The following ANO4 variants were observed in gnomAD, a reference collection of about 807,000 sequenced individuals.
ANO4 encodes anoctamin 4, also known as anoctamin-4.
ANO4 carries 69 observed loss-of-function variants against 141.9 expected under a neutral mutation model. The ratio of observed to expected loss-of-function variants is 0.49; its 90% confidence interval spans 0.40 to 0.59. The LOEUF is 0.59. Ranked by LOEUF, ANO4 falls within the 20% of genes least tolerant of loss-of-function variation. The probability of loss-of-function intolerance (pLI) is 0.00; values close to 1 mark genes in which losing one functional copy is unlikely to be tolerated. For synonymous variants in ANO4, 350 were observed against 394.3 expected (o/e 0.89, Z 1.33); for missense variants, 894 against 1,162.2 (o/e 0.77, Z 3.36).
chr12:101,098,841 A>G (rs1033631321), intron 21 of ANO4, among the ~76,000 whole-genome samples: 7 of 152,128 alleles, frequency 4.6e-5, no homozygotes, highest in African/African-American at 1.7e-4. Context: ...TTTGATGTTC[A>G]TTCCTTTATT....
At chr12:100,871,139 A>G (rs999051526) in intron 1 of ANO4, among the ~76,000 whole-genome samples, 1 of 152,196 alleles carries the variant, frequency 6.6e-6, no homozygotes, top group African/African-American at 2.4e-5. Context: ...GAGTTTTCAT[A>G]TCACCTTAAA....
intron 3 of ANO4, among the ~76,000 whole-genome samples, chr12:100,771,808 C>T (rs548487997): frequency 6.4e-4 from 98 of 152,274 alleles, no homozygotes; most frequent in East Asian, 1.9e-3. Flanking sequence ...GCTAGGAATG[C>T]GGGTATACGT....
chr12:100,765,207 T>A (rs2033025751), intron 3 of ANO4, among the ~76,000 whole-genome samples: 1 of 152,162 alleles, frequency 6.6e-6, no homozygotes, highest in Non-Finnish European at 1.5e-5. Context: ...TTCTGGGAAC[T>A]TATTTCTGTT....
chr12:100,785,090 G>T (rs1480421904), intron 3 of ANO4, among the ~76,000 whole-genome samples: 1 of 152,050 alleles, frequency 6.6e-6, no homozygotes, highest in African/African-American at 2.4e-5. Flanking sequence ...TATTTAAATA[G>T]ACTTTATTTT....
Position 101,123,850 on chromosome 12 carries a change from A to C in ANO4, c.2677-3029A>C, listed in dbSNP as rs575678343. On this transcript the variant is annotated intron_variant, in intron 26 of 27. Transcript: ENST00000392977. ...AATAAGCGCCATACTGACTGGTATG[A>C]GATAATATTTCATTGTGGTTTTGAT... Among the ~76,000 whole-genome samples, 44 of 152,236 alleles carry C rather than the reference A, an allele frequency of 2.9e-4. No homozygotes were observed. The South Asian group carries it at 9.1e-3, about 32-fold the overall frequency.
intron 1 of ANO4, among the ~76,000 whole-genome samples, chr12:100,857,902 T>C (rs2038265123): frequency 6.6e-6 from 1 of 152,106 alleles, no homozygotes; most frequent in Non-Finnish European, 1.5e-5. Context: ...TATTTGAATA[T>C]TGATAATATT....
chr12:100,861,504 G>A (rs1272670876), intron 1 of ANO4, among the ~76,000 whole-genome samples: 1 of 152,174 alleles, frequency 6.6e-6, no homozygotes, highest in Non-Finnish European at 1.5e-5. Flanking sequence ...TGGTACACTT[G>A]TATAGGACAT....
chr12:100,966,211 A>G (rs1482422678), intron 5 of ANO4, among the ~76,000 whole-genome samples: 1 of 152,192 alleles, frequency 6.6e-6, no homozygotes, highest in African/African-American at 2.4e-5. Context: ...CATACCACCA[A>G]TATGATGTGG....
chr12:100,808,299 C>G (rs1268888489), intron 1 of ANO4, among the ~76,000 whole-genome samples: 1 of 152,134 alleles, frequency 6.6e-6, no homozygotes, highest in Non-Finnish European at 1.5e-5. Flanking sequence ...TTGCATTTAT[C>G]TAATGATCAA....
chr12:100,751,266 T>C (rs2032361546), intron 3 of ANO4, among the ~76,000 whole-genome samples: 1 of 152,138 alleles, frequency 6.6e-6, no homozygotes. Context: ...TAGAAAGATC[T>C]ACGCGGGAAA....
chr12:101,045,765 C>T, intron 13 of ANO4, among the ~76,000 whole-genome samples: 1 of 152,168 alleles, frequency 6.6e-6, no homozygotes, highest in East Asian at 1.9e-4. Flanking sequence ...CCTCCAGGGA[C>T]CCCGGTGGCC....
intron 1 of ANO4, among the ~76,000 whole-genome samples, chr12:100,861,033 G>A (rs996645476): frequency 6.6e-6 from 1 of 152,150 alleles, no homozygotes; most frequent in Non-Finnish European, 1.5e-5. Flanking sequence ...GCATGGAAGG[G>A]GACCTGAGAG....
chr12:100,882,058 A>G (rs536729945), intron 1 of ANO4, among the ~76,000 whole-genome samples: 2 of 152,340 alleles, frequency 1.3e-5, no homozygotes, highest in African/African-American at 4.8e-5. Flanking sequence ...AAAAATGTTA[A>G]TGATAATAAT....
At chr12:100,778,120 C>T (rs1475604836) in intron 3 of ANO4, among the ~76,000 whole-genome samples, 1 of 152,020 alleles carries the variant, frequency 6.6e-6, no homozygotes, top group African/African-American at 2.4e-5. Context: ...GGGGTTTCAC[C>T]GTATTAGCCA....
At chr12:100,746,717 T>C (rs931277166) in intron 3 of ANO4, among the ~76,000 whole-genome samples, 9 of 152,172 alleles carry the variant, frequency 5.9e-5, no homozygotes, top group Non-Finnish European at 1.3e-4. Flanking sequence ...TGTCCCATGT[T>C]CACTGTCAAT....
chr12:101,028,369 C>CA (rs1438866702), intron 9 of ANO4, among the ~76,000 whole-genome samples: 3 of 152,036 alleles, frequency 2.0e-5, no homozygotes, highest in Non-Finnish European at 4.4e-5. Flanking sequence ...AGATGGGTAA[C>CA]AAAAAACTCC....
chr12:100,853,565 C>G (rs1200259791), intron 1 of ANO4, among the ~76,000 whole-genome samples: 3 of 152,218 alleles, frequency 2.0e-5, no homozygotes, highest in African/African-American at 7.2e-5. Flanking sequence ...CTGTACCACT[C>G]TCTCTTAGTT....
chr12:101,047,843 C>T (rs2047692606), intron 13 of ANO4: 2 of 193,326 alleles, frequency 1.0e-5, no homozygotes, highest in South Asian at 3.5e-4. Context: ...AATGGTTCTG[C>T]TCTTTTTTAT....
chr12:100,958,458 C>G (rs182715872), intron 5 of ANO4, among the ~76,000 whole-genome samples: 1 of 152,292 alleles, frequency 6.6e-6, no homozygotes, highest in African/African-American at 2.4e-5. Flanking sequence ...GTGAACAAAT[C>G]AGAGAGCCCC....
Sources: gnomAD v4.1 joint callset for allele counts (sites outside exome capture counted in the v4.1 genomes callset) on GRCh38, gnomAD v4.1.1 for gene constraint, MANE v1.5 for transcripts, NCBI Gene and HGNC (gene_info 2026-07-23, HGNC 2026-07-21) for gene names.